The following MSI2 variants were observed in gnomAD, a reference collection of about 807,000 sequenced individuals.
The protein encoded by MSI2 is RNA-binding protein Musashi homolog 2.
MSI2 carries 17 observed loss-of-function variants against 45.6 expected under a neutral mutation model. That is an observed-to-expected ratio of 0.37 (90% CI 0.26 to 0.56). The LOEUF (loss-of-function observed/expected upper bound fraction) is 0.56. Ranked by LOEUF, MSI2 falls within the 20% of genes least tolerant of loss-of-function variation. The pLI is 0.77. For missense variants in MSI2, 293 were observed against 444.2 expected (o/e 0.66, Z 3.06); for synonymous variants, 156 against 158.2 (o/e 0.99, Z 0.11).
At chr17:57,411,968 T>C (rs954722024) in intron 6 of MSI2, among the ~76,000 whole-genome samples, 2 of 146,980 alleles carry the variant, frequency 1.4e-5, no homozygotes, top group African/African-American at 5.0e-5. Context: ...GATCACACCA[T>C]TGCACTCCAG....
intron 6 of MSI2, among the ~76,000 whole-genome samples, chr17:57,436,574 G>T (rs893976032): frequency 2.0e-5 from 3 of 152,230 alleles, no homozygotes; most frequent in Admixed American, 2.0e-4. Flanking sequence ...CATGGGAAAT[G>T]AAAGTTGAGA....
intron 6 of MSI2, 53 bp downstream of exon 6, chr17:57,401,524 C>G (rs1877379982): frequency 7.0e-7 from 1 of 1,434,414 alleles, no homozygotes; most frequent in South Asian, 1.1e-5. Flanking sequence ...CTCATCAGTC[C>G]TAAGAAGAGG....
At chr17:57,520,928 G>A (rs993235755) in intron 6 of MSI2, among the ~76,000 whole-genome samples, 2 of 151,384 alleles carry the variant, frequency 1.3e-5, no homozygotes, top group Non-Finnish European at 2.9e-5. Context: ...GCCTCCCAAA[G>A]TGCTGGAATT....
chr17:57,394,792 G>A (rs1462399838), intron 5 of MSI2, among the ~76,000 whole-genome samples: 1 of 152,170 alleles, frequency 6.6e-6, no homozygotes, highest in Non-Finnish European at 1.5e-5. Flanking sequence ...CCCCATAATT[G>A]ATAGAGTTTC....
chr17:57,489,034 G>T (rs995900595), intron 6 of MSI2, among the ~76,000 whole-genome samples: 4 of 152,100 alleles, frequency 2.6e-5, no homozygotes, highest in Non-Finnish European at 4.4e-5. Flanking sequence ...CAGAGATGCA[G>T]CCCCCTTATG....
intron 6 of MSI2, among the ~76,000 whole-genome samples, chr17:57,495,068 G>A (rs1412944415): frequency 1.3e-5 from 2 of 152,146 alleles, no homozygotes; most frequent in African/African-American, 2.4e-5. Context: ...GGGCTGCAGG[G>A]AGAGGGCTTG....
intron 7 of MSI2, among the ~76,000 whole-genome samples, chr17:57,536,843 C>A (rs1416113986): frequency 6.6e-6 from 1 of 152,152 alleles, no homozygotes; most frequent in Admixed American, 6.5e-5. Flanking sequence ...TAGGTAAGTT[C>A]AGGGTCCTAG....
chr17:57,398,428 G>T (rs938420869), intron 5 of MSI2, among the ~76,000 whole-genome samples: 3 of 152,212 alleles, frequency 2.0e-5, no homozygotes, highest in African/African-American at 7.2e-5. Flanking sequence ...AAAAAGGAAT[G>T]AAAAATCTAA....
intron 7 of MSI2, among the ~76,000 whole-genome samples, chr17:57,536,722 A>G (rs758534164): frequency 6.6e-6 from 1 of 152,198 alleles, no homozygotes; most frequent in Non-Finnish European, 1.5e-5. Context: ...AAACCACTTG[A>G]CAAGAAAGCG....
chr17:57,393,054 C>A (rs2083824382), intron 5 of MSI2, among the ~76,000 whole-genome samples: 1 of 152,184 alleles, frequency 6.6e-6, no homozygotes, highest in Non-Finnish European at 1.5e-5. Flanking sequence ...CCCTCCCTCT[C>A]CCCTGGCTCT....
intron 8 of MSI2, among the ~76,000 whole-genome samples, chr17:57,614,323 G>C (rs1394806041): frequency 6.6e-6 from 1 of 152,192 alleles, no homozygotes; most frequent in East Asian, 1.9e-4. Context: ...AAAGTGTTGG[G>C]ATTACAGGTG....
chr17:57,481,347 C>G (rs531423338), intron 6 of MSI2, among the ~76,000 whole-genome samples: 4 of 152,190 alleles, frequency 2.6e-5, no homozygotes, highest in Admixed American at 6.5e-5. Flanking sequence ...GCAAATAAGT[C>G]TGCTTTCATT....
Position 57,258,251 on chromosome 17 carries a change from CCT to C in MSI2, c.186-16_186-15del. On this transcript the variant is annotated splice_polypyrimidine_tract_variant and intron_variant, in intron 3 of 13. Coordinates refer to ENST00000284073, the MANE Select transcript of MSI2 (RefSeq NM_138962.4). ...TCACATTTTCTTGTTTGTTTTTCTC[CCT>C]CTTTGTCTCCTTTCAGAGGCTTCGG... 1 of 1,610,920 alleles carries C rather than the reference CCT, an allele frequency of 6.2e-7. No homozygotes were observed. The highest frequency in any genetic ancestry group is 8.5e-7 in the Non-Finnish European group (1 of 1,177,154).
chr17:57,588,867 G>A (rs998108919), intron 7 of MSI2, among the ~76,000 whole-genome samples: 5 of 152,200 alleles, frequency 3.3e-5, no homozygotes, highest in Admixed American at 2.0e-4. Flanking sequence ...GGGCTGCAGG[G>A]GAGAGAACAC....
At chr17:57,567,232 G>A (rs953618854) in intron 7 of MSI2, among the ~76,000 whole-genome samples, 3 of 152,234 alleles carry the variant, frequency 2.0e-5, no homozygotes, top group South Asian at 2.1e-4. Context: ...CAATTCAGTC[G>A]CTCCTTTTGT....
At chr17:57,468,568 C>T (rs1012011872) in intron 6 of MSI2, among the ~76,000 whole-genome samples, 8 of 148,904 alleles carry the variant, frequency 5.4e-5, no homozygotes, top group African/African-American at 2.0e-4. Context: ...TGTACTCAAA[C>T]GCAATACATG....
At chr17:57,471,435 C>T (rs546926239) in intron 6 of MSI2, among the ~76,000 whole-genome samples, 13 of 151,948 alleles carry the variant, frequency 8.6e-5, no homozygotes, top group East Asian at 3.9e-4. Context: ...GGATTACAGG[C>T]GGCTGCCACC....
chr17:57,300,681 A>T (rs1911347287), intron 5 of MSI2, among the ~76,000 whole-genome samples: 1 of 152,138 alleles, frequency 6.6e-6, no homozygotes, highest in South Asian at 2.1e-4. Flanking sequence ...GGTTTAATGG[A>T]CTCACAGTTC....
At chr17:57,369,778 G>A (rs1034972254) in intron 5 of MSI2, among the ~76,000 whole-genome samples, 8 of 152,198 alleles carry the variant, frequency 5.3e-5, no homozygotes, top group African/African-American at 1.9e-4. Context: ...AAGAAACAGA[G>A]GCACAGAGAG....
Sources: allele counts gnomAD v4.1 joint callset (sites outside exome capture counted in the v4.1 genomes callset), GRCh38; gene constraint gnomAD v4.1.1; transcripts MANE v1.5; gene names NCBI Gene and HGNC (gene_info 2026-07-23, HGNC 2026-07-21).